CSMD1: variants seen among roughly 807,000 people sequenced by gnomAD.
CSMD1 encodes the protein CUB and Sushi multiple domains 1, also known as CUB and sushi domain-containing protein 1.
CSMD1 carries 213 observed loss-of-function variants against 417.5 expected under a neutral mutation model. The observed-to-expected ratio is 0.51, with a 90% CI of 0.46 to 0.57. CSMD1 has a LOEUF of 0.57. Among genes scored for constraint, CSMD1 ranks in the 20% least tolerant of loss-of-function variants. The pLI is 0.00. For missense variants in CSMD1, 6,923 were observed against 4,529.7 expected (o/e 1.53, Z -15.17); for synonymous variants, 2,862 against 1,736.8 (o/e 1.65, Z -16.11).
chr8:4,566,382 G>T (rs1047973130), intron 2 of CSMD1, among the ~76,000 whole-genome samples: 4 of 152,074 alleles, frequency 2.6e-5, no homozygotes, highest in Admixed American at 6.5e-5. Flanking sequence ...GGCCGGGCGT[G>T]GTGGCTCATG....
intron 7 of CSMD1, among the ~76,000 whole-genome samples, chr8:3,683,294 A>G (rs952181973): frequency 1.3e-5 from 2 of 152,140 alleles, no homozygotes; most frequent in Non-Finnish European, 2.9e-5. Context: ...GACCCAGAAT[A>G]TGGATGGATC....
chr8:3,254,079 G>A (rs1456245441), intron 26 of CSMD1, among the ~76,000 whole-genome samples: 3 of 152,228 alleles, frequency 2.0e-5, no homozygotes, highest in South Asian at 2.1e-4. Context: ...GGTGGTGACA[G>A]AATCTCTCAG....
chr8:3,739,716 G>A (rs1026039032), intron 6 of CSMD1, among the ~76,000 whole-genome samples: 2 of 152,150 alleles, frequency 1.3e-5, no homozygotes, highest in Non-Finnish European at 2.9e-5. Flanking sequence ...GGTATTATAA[G>A]TTTTAAACTA....
intron 26 of CSMD1, among the ~76,000 whole-genome samples, chr8:3,277,975 A>G (rs188900906): frequency 6.8e-4 from 104 of 152,328 alleles, no homozygotes; most frequent in Middle Eastern, 6.8e-3. Context: ...ATTTCTGCAG[A>G]AACCTTCGTG....
chr8:3,593,374 T>G (rs973948013), intron 8 of CSMD1, among the ~76,000 whole-genome samples: 1 of 152,214 alleles, frequency 6.6e-6, no homozygotes. Context: ...GAGCCCGTGA[T>G]GGAGAAGGTC....
chr8:3,467,701 A>G (rs1175892974), intron 12 of CSMD1, among the ~76,000 whole-genome samples: 1 of 151,976 alleles, frequency 6.6e-6, no homozygotes, highest in African/African-American at 2.4e-5. Context: ...TATCCCACAC[A>G]GAGAGAGAGA....
chr8:4,298,868 T>G (rs532603845), intron 3 of CSMD1, among the ~76,000 whole-genome samples: 1 of 152,142 alleles, frequency 6.6e-6, no homozygotes, highest in East Asian at 1.9e-4. Context: ...GTATAATTCT[T>G]TAATTAGACT....
At chr8:3,734,394 T>C (rs371899512) in intron 6 of CSMD1, among the ~76,000 whole-genome samples, 190 of 152,272 alleles carry the variant, frequency 1.2e-3, no homozygotes, top group African/African-American at 4.2e-3. Context: ...CCTGGAAGCA[T>C]TGGGAACACT....
At chr8:4,497,993 A>G (rs1276250558) in intron 2 of CSMD1, among the ~76,000 whole-genome samples, 2 of 152,182 alleles carry the variant, frequency 1.3e-5, no homozygotes, top group Admixed American at 6.5e-5. Context: ...GTGTAAAATG[A>G]CAAGTACAGT....
At chr8:3,175,471 T>TTTTTCC (rs1563111472) in intron 37 of CSMD1, among the ~76,000 whole-genome samples, 1 of 41,766 alleles carries the variant, frequency 2.4e-5, no homozygotes, top group Non-Finnish European at 5.6e-5. Flanking sequence ...TCCTTCCTTC[T>TTTTTCC]TTTCCCTTCC....
intron 2 of CSMD1, among the ~76,000 whole-genome samples, chr8:4,447,003 G>C (rs1014940045): frequency 2.0e-5 from 3 of 151,750 alleles, no homozygotes; most frequent in African/African-American, 7.3e-5. Context: ...GTAAGAAACT[G>C]TTGCATGGAA....
intron 22 of CSMD1, among the ~76,000 whole-genome samples, chr8:3,343,715 T>C (rs1047552836): frequency 6.6e-6 from 1 of 152,242 alleles, no homozygotes; most frequent in African/African-American, 2.4e-5. Context: ...CTTTCTGTGT[T>C]CATTTAAAAT....
At chr8:4,636,126 A>C (rs1316788946) in intron 2 of CSMD1, among the ~76,000 whole-genome samples, 1 of 152,076 alleles carries the variant, frequency 6.6e-6, no homozygotes, top group African/African-American at 2.4e-5. Context: ...TCATCCCATA[A>C]AATAATAAAT....
chr8:3,027,144 G>T (rs1809991778), intron 51 of CSMD1, among the ~76,000 whole-genome samples: 1 of 151,966 alleles, frequency 6.6e-6, no homozygotes, highest in South Asian at 2.1e-4. Context: ...ATATATAGTA[G>T]ATATAAGAAT....
At chr8:4,949,680 A>G (rs1289123899) in intron 1 of CSMD1, among the ~76,000 whole-genome samples, 3 of 152,204 alleles carry the variant, frequency 2.0e-5, no homozygotes, top group Admixed American at 6.5e-5. Context: ...GAAATACTGC[A>G]TTAGTTATTA....
At chr8:3,951,955 G>C (rs969210407) in intron 5 of CSMD1, among the ~76,000 whole-genome samples, 1 of 152,006 alleles carries the variant, frequency 6.6e-6, no homozygotes, top group Admixed American at 6.6e-5. Context: ...ACATAATTAT[G>C]AAAGTAATAA....
chr8:3,467,657 A>G (rs1313790077), intron 12 of CSMD1, among the ~76,000 whole-genome samples: 2 of 152,068 alleles, frequency 1.3e-5, no homozygotes, highest in African/African-American at 2.4e-5. Flanking sequence ...GGGTGGGCCC[A>G]CACACCAAGA....
At chr8:3,326,651 C>A (rs1806552467) in intron 23 of CSMD1, among the ~76,000 whole-genome samples, 1 of 152,188 alleles carries the variant, frequency 6.6e-6, no homozygotes, top group African/African-American at 2.4e-5. Context: ...TGTCTTCCCT[C>A]CTTGTAAAAT....
chr8:3,729,494 C>A (rs966399404), intron 6 of CSMD1, among the ~76,000 whole-genome samples: 3 of 152,108 alleles, frequency 2.0e-5, no homozygotes, highest in Admixed American at 6.5e-5. Context: ...CAATATGTAT[C>A]CCCAGCAAGA....
Sources: allele counts gnomAD v4.1 joint callset (sites outside exome capture counted in the v4.1 genomes callset), GRCh38; gene constraint gnomAD v4.1.1; transcripts MANE v1.5; gene names NCBI Gene and HGNC (gene_info 2026-07-23, HGNC 2026-07-21).